Variants in COPG2 observed in about 807,000 individuals in gnomAD.
The protein encoded by COPG2 is coat protein complex I subunit gamma 2, also known as coatomer subunit gamma-2.
In COPG2, 37 loss-of-function variants were observed where a neutral mutation model predicts 46.3. That is an observed-to-expected ratio of 0.80 (90% confidence interval 0.61 to 1.05). COPG2 has a LOEUF of 1.05. Among genes scored for constraint, COPG2 ranks in the 50% least tolerant of loss-of-function variants. COPG2 has a pLI of 0.00. For missense variants in COPG2, 427 were observed against 387.8 expected (o/e 1.10, Z -0.85); for synonymous variants, 159 against 129.7 (o/e 1.23, Z -1.53).
chr7:130,635,426 G>C (rs1210642721), intron 5 of COPG2, among the ~76,000 whole-genome samples: 2 of 152,046 alleles, frequency 1.3e-5, no homozygotes, highest in African/African-American at 4.8e-5. Context: ...ACTTCTTCCT[G>C]ATTTAGTCTC....
intron 20 of COPG2, among the ~76,000 whole-genome samples, chr7:130,521,811 A>G (rs1193897820): frequency 6.6e-6 from 1 of 152,196 alleles, no homozygotes; most frequent in Admixed American, 6.5e-5. Flanking sequence ...TAAATTAAGA[A>G]AAGAGTTATA....
intron 5 of COPG2, among the ~76,000 whole-genome samples, chr7:130,642,384 A>G (rs1011657473): frequency 1.2e-4 from 18 of 152,146 alleles, no homozygotes; most frequent in Non-Finnish European, 2.2e-4. Context: ...CACCCCAGAA[A>G]GTTCCCTCAT....
intron 4 of COPG2, among the ~76,000 whole-genome samples, chr7:130,660,435 G>A (rs1332778958): frequency 6.6e-6 from 1 of 151,942 alleles, no homozygotes; most frequent in Non-Finnish European, 1.5e-5. Context: ...TCTCTCCCAG[G>A]GATCCTCCTG....
intron 5 of COPG2, among the ~76,000 whole-genome samples, chr7:130,637,245 A>G (rs781959243): frequency 3.7e-4 from 57 of 152,086 alleles, no homozygotes; most frequent in Middle Eastern, 3.2e-3. Context: ...TATTCTCTGT[A>G]TTTCCTGAAT....
intron 5 of COPG2, among the ~76,000 whole-genome samples, chr7:130,622,935 A>C (rs1554453796): frequency 1.3e-5 from 2 of 152,200 alleles, no homozygotes; most frequent in Non-Finnish European, 2.9e-5. Context: ...AAATGATCCT[A>C]GCTCCTGACA....
chr7:130,605,917 C>A, intron 9 of COPG2: 1 of 382,190 alleles, frequency 2.6e-6, no homozygotes, highest in Non-Finnish European at 5.2e-6. Flanking sequence ...GATTTTGGTA[C>A]CTGTAAGTGA....
chr7:130,610,689 T>A, intron 9 of COPG2: 1 of 600,658 alleles, frequency 1.7e-6, no homozygotes, highest in Middle Eastern at 2.8e-4. Flanking sequence ...TAATTATCTA[T>A]ATATCTTATG....
intron 20 of COPG2, among the ~76,000 whole-genome samples, chr7:130,536,239 AG>A (rs1460693568): frequency 1.3e-5 from 2 of 151,980 alleles, no homozygotes; most frequent in Non-Finnish European, 2.9e-5. Context: ...ACTGTTGGGC[AG>A]GGGGAGGGAA....
At chr7:130,508,927 A>G (rs990522538) in intron 20 of COPG2, 1 of 518,306 alleles carries the variant, frequency 1.9e-6, no homozygotes, top group South Asian at 1.8e-5. Context: ...GTATGAAGAA[A>G]GCAGCAGAGA....
intron 9 of COPG2, among the ~76,000 whole-genome samples, chr7:130,572,982 G>A (rs558597696): frequency 4.6e-4 from 70 of 151,518 alleles, no homozygotes; most frequent in Non-Finnish European, 8.1e-4. Flanking sequence ...GAAAAAAAGA[G>A]GAAAGACACA....
chr7:130,624,864 T>A (rs954450827), intron 5 of COPG2, among the ~76,000 whole-genome samples: 1 of 152,232 alleles, frequency 6.6e-6, no homozygotes, highest in African/African-American at 2.4e-5. Flanking sequence ...AACTGTGCTG[T>A]TATAAACATG....
intron 18 of COPG2, among the ~76,000 whole-genome samples, chr7:130,549,043 C>CAAAAAA (rs1284034360): frequency 9.0e-6 from 1 of 110,664 alleles, no homozygotes; most frequent in Non-Finnish European, 2.2e-5. Flanking sequence ...AAGCAAAAAG[C>CAAAAAA]AAAAAAAAAA....
At chr7:130,544,554 T>TTA (rs1319081589) in intron 20 of COPG2, among the ~76,000 whole-genome samples, 1 of 152,130 alleles carries the variant, frequency 6.6e-6, no homozygotes, top group African/African-American at 2.4e-5. Context: ...CAATAAAACC[T>TTA]GATAAATAAA....
chr7:130,507,167 T>C (rs1425741206), intron 23 of COPG2, 107 bp downstream of exon 23: 1 of 702,874 alleles, frequency 1.4e-6, no homozygotes, highest in Non-Finnish European at 2.6e-6. Context: ...AAATTGTTAC[T>C]CATATAATGG....
intron 5 of COPG2, among the ~76,000 whole-genome samples, chr7:130,651,611 G>A (rs1554459110): frequency 7.2e-6 from 1 of 139,844 alleles, no homozygotes; most frequent in African/African-American, 2.6e-5. Flanking sequence ...CCGCTTCCCG[G>A]GTTCACGCCA....
chr7:130,645,112 T>C, intron 5 of COPG2: 1 of 427,428 alleles, frequency 2.3e-6, no homozygotes, highest in Non-Finnish European at 4.5e-6. Context: ...GCATCCATTT[T>C]TTCAGGTGAC....
chr7:130,589,079 T>C (rs1485576692), intron 9 of COPG2, among the ~76,000 whole-genome samples: 3 of 152,196 alleles, frequency 2.0e-5, no homozygotes, highest in African/African-American at 7.2e-5. Flanking sequence ...TTAAACATTT[T>C]ATAACATCCC....
chr7:130,510,889 CAT>C (rs1263990859), intron 20 of COPG2: 6 of 518,548 alleles, frequency 1.2e-5, no homozygotes, highest in African/African-American at 9.6e-5. Context: ...AATGCACTGC[CAT>C]AATGTAAATA....
intron 9 of COPG2, among the ~76,000 whole-genome samples, chr7:130,566,047 C>T (rs987243787): frequency 1.3e-5 from 2 of 152,056 alleles, no homozygotes; most frequent in Non-Finnish European, 2.9e-5. Context: ...TGGCTGAAAA[C>T]CTCATAAGTT....
Sources: gnomAD v4.1 joint callset for allele counts (sites outside exome capture counted in the v4.1 genomes callset) on GRCh38, gnomAD v4.1.1 for gene constraint, MANE v1.5 for transcripts, NCBI Gene and HGNC (gene_info 2026-07-23, HGNC 2026-07-21) for gene names.